ITGA1: variants seen among roughly 807,000 people sequenced by gnomAD.
ITGA1 encodes integrin subunit alpha 1.
A neutral mutation model predicts 145.9 loss-of-function variants in ITGA1; 85 were observed. That is an observed-to-expected ratio of 0.58 (90% CI 0.49 to 0.70). The LOEUF (loss-of-function observed/expected upper bound fraction) is 0.70. Among genes scored for constraint, ITGA1 ranks in the 30% least tolerant of loss-of-function variants. The probability of loss-of-function intolerance (pLI) is 0.00; values close to 1 mark genes in which losing one functional copy is unlikely to be tolerated. For synonymous variants in ITGA1, 520 were observed against 495.3 expected (o/e 1.05, Z -0.66); for missense variants, 1,351 against 1,418.7 (o/e 0.95, Z 0.77).
chr5:52,927,554 A>G (rs1179170048), intron 19 of ITGA1, 30 bp from the exon 20 acceptor site: 5 of 1,476,248 alleles, frequency 3.4e-6, no homozygotes, highest in South Asian at 1.2e-5. Flanking sequence ...CTGCTTGTCC[A>G]CTCTGATTCT....
intron 1 of ITGA1, among the ~76,000 whole-genome samples, chr5:52,844,511 G>A (rs1749304756): frequency 6.6e-6 from 1 of 152,130 alleles, no homozygotes; most frequent in South Asian, 2.1e-4. Flanking sequence ...GGAAATGTGG[G>A]CACATTTCTC....
intron 6 of ITGA1, among the ~76,000 whole-genome samples, chr5:52,870,231 A>C (rs1404748352): frequency 6.6e-6 from 1 of 152,202 alleles, no homozygotes; most frequent in South Asian, 2.1e-4. Context: ...TCTTTTAATG[A>C]AAGCATTCAA....
intron 14 of ITGA1, among the ~76,000 whole-genome samples, 177 bp downstream of exon 14, chr5:52,910,596 C>A (rs1301473165): frequency 1.4e-5 from 2 of 146,218 alleles, no homozygotes; most frequent in Admixed American, 6.8e-5. Flanking sequence ...TATACACACA[C>A]AAACAAACTA....
intron 2 of ITGA1, among the ~76,000 whole-genome samples, chr5:52,857,762 T>C (rs1232093890): frequency 6.6e-6 from 1 of 152,226 alleles, no homozygotes; most frequent in Non-Finnish European, 1.5e-5. Context: ...TATTTACTTT[T>C]AGGGCCTCAA....
chr5:52,829,379 G>T (rs1424894505), intron 1 of ITGA1, among the ~76,000 whole-genome samples: 1 of 151,916 alleles, frequency 6.6e-6, no homozygotes, highest in African/African-American at 2.4e-5. Context: ...AAGTAATAAT[G>T]ATAATAAACA....
intron 18 of ITGA1, 106 bp downstream of exon 18, chr5:52,922,993 A>G: frequency 1.6e-6 from 1 of 642,336 alleles, no homozygotes; most frequent in Non-Finnish European, 2.7e-6. Flanking sequence ...AAGAACGAAC[A>G]ACTAACTGGA....
At chr5:52,911,717 C>A (rs1357373515) in intron 14 of ITGA1, among the ~76,000 whole-genome samples, 1 of 135,184 alleles carries the variant, frequency 7.4e-6, no homozygotes, top group Non-Finnish European at 1.5e-5. Flanking sequence ...ACTATATATA[C>A]TATACATATA....
At chr5:52,926,736 G>A (rs1750817754) in intron 19 of ITGA1, among the ~76,000 whole-genome samples, 1 of 151,972 alleles carries the variant, frequency 6.6e-6, no homozygotes, top group African/African-American at 2.4e-5. Flanking sequence ...TAATGGCCTG[G>A]CAGAGAGGCA....
At chr5:52,805,018 T>G (rs1748562893) in intron 1 of ITGA1, among the ~76,000 whole-genome samples, 1 of 152,056 alleles carries the variant, frequency 6.6e-6, no homozygotes. Context: ...GGGCTAGATG[T>G]GGGGAGGACA....
rs1355484495 is a variant in ITGA1, at chr5:52,958,881, A to G, written c.*6430A>G. The G allele has an allele frequency of 1.3e-5, 2 of 152,200 alleles. No individual in the cohort carries two copies. The highest frequency in any genetic ancestry group is 2.9e-5 in the Non-Finnish European group (2 of 68,036). 9.4% of individuals were successfully genotyped at this position (152,200 alleles called of 1,614,324 possible). A position where few individuals can be genotyped will look rare whatever the true frequency, so the allele number is the denominator to read the frequency against. On this transcript the variant is annotated 3_prime_UTR_variant, in exon 29 of 29. Coordinates refer to ENST00000282588, the MANE Select transcript of ITGA1 (RefSeq NM_181501.2). The stretch of plus-strand genomic sequence containing the variant: ...TACAAGACTTTAATTGGATAAACTC[A>G]TTAGAAGAAAATGTTTCGATTGCAT...
chr5:52,866,614 G>A (rs1749692067), intron 6 of ITGA1, among the ~76,000 whole-genome samples: 2 of 152,072 alleles, frequency 1.3e-5, no homozygotes, highest in African/African-American at 2.4e-5. Context: ...TTTTCCCTAA[G>A]TTAAAAGAAA....
intron 23 of ITGA1, among the ~76,000 whole-genome samples, chr5:52,936,478 G>C (rs1750966544): frequency 6.6e-6 from 1 of 152,170 alleles, no homozygotes; most frequent in Admixed American, 6.5e-5. Context: ...AGGCTCAGTT[G>C]GGTAGATCAC....
At chr5:52,928,762 A>T (rs1750849679) in intron 20 of ITGA1, among the ~76,000 whole-genome samples, 1 of 152,212 alleles carries the variant, frequency 6.6e-6, no homozygotes, top group Non-Finnish European at 1.5e-5. Flanking sequence ...GAGGAAGTTG[A>T]CTTTATAGAG....
chr5:52,828,640 A>G (rs753293480), intron 1 of ITGA1, among the ~76,000 whole-genome samples: 2 of 152,192 alleles, frequency 1.3e-5, no homozygotes, highest in African/African-American at 2.4e-5. Context: ...GTGCACTTAT[A>G]TATTTCTCAA....
chr5:52,872,732 T>A (rs2447857), intron 6 of ITGA1, among the ~76,000 whole-genome samples: 17,767 of 151,866 alleles, frequency 0.12, 1,176 homozygotes, highest in East Asian at 0.22. Context: ...TCCTTGTTCA[T>A]GAAGTGCTGT....
chr5:52,800,150 T>C, intron 1 of ITGA1: 1 of 539,002 alleles, frequency 1.9e-6, no homozygotes, highest in Non-Finnish European at 3.3e-6. Context: ...GGGGTAGATT[T>C]TCGCTGCAGT....
chr5:52,920,526 T>C (rs1750715574), intron 17 of ITGA1, 58 bp downstream of exon 17: 1 of 1,316,592 alleles, frequency 7.6e-7, no homozygotes, highest in Non-Finnish European at 1.0e-6. Context: ...AGTAGAGATG[T>C]CTTATTTCAA....
intron 1 of ITGA1, among the ~76,000 whole-genome samples, chr5:52,849,034 A>G (rs1409651712): frequency 1.3e-5 from 2 of 152,176 alleles, no homozygotes; most frequent in Non-Finnish European, 2.9e-5. Flanking sequence ...GCCACAATAG[A>G]CATACGTGTG....
chr5:52,833,103 G>A (rs1335188607), intron 1 of ITGA1, among the ~76,000 whole-genome samples: 1 of 151,442 alleles, frequency 6.6e-6, no homozygotes, highest in East Asian at 1.9e-4. Context: ...GATGTGGGAG[G>A]ATCACTTGAA....
Sources: allele counts gnomAD v4.1 joint callset (sites outside exome capture counted in the v4.1 genomes callset), GRCh38; gene constraint gnomAD v4.1.1; transcripts MANE v1.5; gene names NCBI Gene and HGNC (gene_info 2026-07-23, HGNC 2026-07-21).